RBM26: variants seen among roughly 807,000 people sequenced by gnomAD.
RBM26 encodes the protein RNA-binding protein 26.
A neutral mutation model predicts 123.6 loss-of-function variants in RBM26; 30 were observed. That is an observed-to-expected ratio of 0.24 (90% CI 0.18 to 0.33). The LOEUF (loss-of-function observed/expected upper bound fraction) is 0.33. Among genes scored for constraint, RBM26 ranks in the 10% least tolerant of loss-of-function variants. The probability of loss-of-function intolerance (pLI) is 1.00; values close to 1 mark genes in which losing one functional copy is unlikely to be tolerated. For synonymous variants in RBM26, 400 were observed against 404.4 expected (o/e 0.99, Z 0.13); for missense variants, 947 against 1,203.6 (o/e 0.79, Z 3.15).
At chr13:79,337,336 C>T (rs1267178186) in intron 18 of RBM26, 34 bp from the exon 19 acceptor site, 11 of 1,610,090 alleles carry the variant, frequency 6.8e-6, no homozygotes, top group African/African-American at 1.3e-5. Flanking sequence ...TTAAACAATG[C>T]TGTGATTACT....
Position 79,368,916 on chromosome 13 carries a change from A to C in RBM26, c.709T>G (p.Ser237Ala). The stretch of plus-strand genomic sequence containing the variant: ...TGGCCAGATGAAATACTAGGTACCG[A>C]AGAGACTGGAGTATAATTATTTTCT... ...PLENNYTPVSSVPSISSGHYP... is the reference protein window; with the variant it reads ...PLENNYTPVSAVPSISSGHYP... The change falls in exon 6 of 22, where the codon TCG becomes GCG. Residue 237 changes from serine to alanine, a missense_variant. Around this residue, in one of 5 missense-constraint regions of RBM26, gnomAD observed 275 missense variants for 361.0 expected, o/e 0.76. Coordinates refer to ENST00000438737, the MANE Select transcript of RBM26 (RefSeq NM_001366735.2). The C allele has an allele frequency of 2.5e-6, 4 of 1,611,652 alleles. No individual in the cohort carries two copies. Among genetic ancestry groups the C allele is most frequent in the East Asian group, 2.2e-5 (1 of 44,828 alleles).
chr13:79,343,389 T>C (rs1594124130), intron 16 of RBM26, among the ~76,000 whole-genome samples: 1 of 151,902 alleles, frequency 6.6e-6, no homozygotes, highest in African/African-American at 2.4e-5. Flanking sequence ...ACATGATTTA[T>C]TGTAGGTTTC....
intron 1 of RBM26, among the ~76,000 whole-genome samples, chr13:79,388,509 T>C (rs1299563470): frequency 6.6e-6 from 1 of 152,244 alleles, no homozygotes; most frequent in African/African-American, 2.4e-5. Flanking sequence ...TAAAACTTTC[T>C]CTACATCTGA....
chr13:79,349,138 T>C (rs371957058), intron 14 of RBM26, among the ~76,000 whole-genome samples: 2 of 152,234 alleles, frequency 1.3e-5, no homozygotes, highest in East Asian at 1.9e-4. Flanking sequence ...GTTTGAAATA[T>C]ATACACTGTA....
intron 1 of RBM26, among the ~76,000 whole-genome samples, chr13:79,397,111 G>A (rs2078636857): frequency 6.6e-6 from 1 of 152,204 alleles, no homozygotes; most frequent in Admixed American, 6.5e-5. Context: ...AACCTGGGAG[G>A]TGGAGGTTGC....
At chr13:79,403,243 A>G (rs1040157342) in intron 1 of RBM26, among the ~76,000 whole-genome samples, 14 of 152,218 alleles carry the variant, frequency 9.2e-5, no homozygotes, top group Non-Finnish European at 1.8e-4. Flanking sequence ...GAACTTGAAT[A>G]AGGGCTCAAT....
chr13:79,386,790 C>A (rs1483798528), intron 1 of RBM26, among the ~76,000 whole-genome samples: 1 of 151,784 alleles, frequency 6.6e-6, no homozygotes, highest in Non-Finnish European at 1.5e-5. Flanking sequence ...GGTAACCCAT[C>A]CCTCTGGTTA....
intron 11 of RBM26, among the ~76,000 whole-genome samples, chr13:79,356,558 T>C (rs184520412): frequency 6.6e-6 from 1 of 152,230 alleles, no homozygotes; most frequent in Admixed American, 6.5e-5. Flanking sequence ...ATAATTCACT[T>C]AGAACAGAGA....
intron 1 of RBM26, among the ~76,000 whole-genome samples, chr13:79,393,829 C>T (rs1171169524): frequency 6.6e-6 from 1 of 152,182 alleles, no homozygotes; most frequent in East Asian, 1.9e-4. Context: ...AAGCCTAAAA[C>T]CGTGCAGTGC....
intron 1 of RBM26, among the ~76,000 whole-genome samples, chr13:79,405,463 G>A (rs2079448468): frequency 6.6e-6 from 1 of 151,888 alleles, no homozygotes; most frequent in South Asian, 2.1e-4. Flanking sequence ...GGGGGTTGGA[G>A]ACGGTCTATA....
chr13:79,367,399 T>C (rs1367639206), intron 6 of RBM26, among the ~76,000 whole-genome samples: 1 of 40,854 alleles, frequency 2.4e-5, no homozygotes, highest in Non-Finnish European at 6.0e-5. Flanking sequence ...AGGGGGAGAC[T>C]CCATCTCAAA....
At chr13:79,393,570 G>T (rs1462894596) in intron 1 of RBM26, among the ~76,000 whole-genome samples, 3 of 152,168 alleles carry the variant, frequency 2.0e-5, no homozygotes, top group African/African-American at 7.2e-5. Context: ...CTACTTGTAA[G>T]AGACCTGTAC....
At chr13:79,384,107 AATTAACT>A (rs2077285505) in intron 1 of RBM26, among the ~76,000 whole-genome samples, 1 of 152,208 alleles carries the variant, frequency 6.6e-6, no homozygotes. Flanking sequence ...AAGGATTTCA[AATTAACT>A]GCTTCAGTGA....
At chr13:79,354,389 T>C in intron 13 of RBM26, 50 bp downstream of exon 13, 2 of 1,385,772 alleles carry the variant, frequency 1.4e-6, no homozygotes, top group Non-Finnish European at 9.5e-7. Context: ...CAAGGGAAAC[T>C]AAATTACTGA....
In RBM26 at chr13:79,341,158, C is replaced by T; in HGVS notation, c.2497G>A (p.Glu833Lys). ...AATTCTGTATACTTTCTCCTAAGTT[C>T]AGTGACTTCTTCTCCAGCCTGCATC... ...KKMQAGEEVT[E>K]LRRKYTELQL... The change falls in exon 18 of 22, where the codon GAA becomes AAA. Residue 833 changes from glutamate to lysine, a missense_variant. Transcript: ENST00000438737. The T allele has an allele frequency of 6.2e-7, 1 of 1,609,464 alleles. No individual in the cohort carries two copies. Among genetic ancestry groups the T allele is most frequent in the Non-Finnish European group, 8.5e-7 (1 of 1,176,904 alleles).
At chr13:79,359,491 C>A in intron 10 of RBM26, 84 bp downstream of exon 10, 1 of 681,074 alleles carries the variant, frequency 1.5e-6, no homozygotes, top group Non-Finnish European at 2.5e-6. Flanking sequence ...TTGGAAGAAA[C>A]CAAACCATAT....
intron 17 of RBM26, among the ~76,000 whole-genome samples, chr13:79,341,946 G>A (rs1023739513): frequency 2.0e-5 from 3 of 151,848 alleles, no homozygotes; most frequent in South Asian, 2.1e-4. Flanking sequence ...AGGCTGTAAA[G>A]AACGTAAATA....
At chr13:79,343,012 C>CTTT (rs10650844) in intron 16 of RBM26, among the ~76,000 whole-genome samples, 181 bp from the exon 17 acceptor site, 1 of 151,756 alleles carries the variant, frequency 6.6e-6, no homozygotes, top group Non-Finnish European at 1.5e-5. Context: ...GTGATGCTAA[C>CTTT]TATCTCAACT....
intron 20 of RBM26, among the ~76,000 whole-genome samples, chr13:79,325,763 G>A (rs2138527964): frequency 6.6e-6 from 1 of 152,216 alleles, no homozygotes; most frequent in East Asian, 1.9e-4. Context: ...TAAAGTACGA[G>A]TTTATAAAAT....
Sources: gnomAD v4.1 joint callset for allele counts (sites outside exome capture counted in the v4.1 genomes callset) on GRCh38, gnomAD v4.1.1 for gene constraint, gnomAD v4.1.1 regional missense constraint, MANE v1.5 for transcripts, NCBI Gene and HGNC (gene_info 2026-07-23, HGNC 2026-07-21) for gene names.